HIPK2: variants seen among roughly 807,000 people sequenced by gnomAD.
The protein encoded by HIPK2 is homeodomain interacting protein kinase 2, also known as homeodomain-interacting protein kinase 2.
In HIPK2, 27 loss-of-function variants were observed where a neutral mutation model predicts 113.7. The ratio of observed to expected loss-of-function variants is 0.24; its 90% CI spans 0.17 to 0.33. The LOEUF (loss-of-function observed/expected upper bound fraction) is 0.33. Ranked by LOEUF, HIPK2 falls within the 10% of genes least tolerant of loss-of-function variation. HIPK2 has a pLI of 1.00. For missense variants in HIPK2, 1,257 were observed against 1,588.0 expected (o/e 0.79, Z 3.54); for synonymous variants, 631 against 642.2 (o/e 0.98, Z 0.26).
Position 139,564,037 on chromosome 7 carries a change from T to C in HIPK2, c.*8890A>G. The stretch of plus-strand genomic sequence containing the variant: ...GATGTCTGTTTAGAGTGGGTCTCAA[T>C]GGACCAGGCTGAGCTGCCCCTCTGT... On this transcript the variant is annotated 3_prime_UTR_variant, in exon 15 of 15. Coordinates refer to ENST00000406875, the MANE Select transcript of HIPK2 (RefSeq NM_022740.5). 2.5e-6 allele frequency: 1 copy of C among 398,206 alleles called. No individual in the cohort carries two copies. The highest frequency in any genetic ancestry group is 3.6e-5 in the East Asian group (1 of 28,082). The allele number at this position is 398,206 out of a possible 1,614,324, so 24.7% of individuals were successfully genotyped here. A position where few individuals can be genotyped will look rare whatever the true frequency, so the allele number is the denominator to read the frequency against.
At chr7:139,626,918 C>T (rs1800452909) in intron 5 of HIPK2, 133 bp from the exon 6 acceptor site, 1 of 981,456 alleles carries the variant, frequency 1.0e-6, no homozygotes, top group Non-Finnish European at 1.5e-6. Flanking sequence ...GGAACTCTGC[C>T]CCTATGGGAG....
intron 2 of HIPK2, among the ~76,000 whole-genome samples, chr7:139,665,949 C>CTTT (rs375858246): frequency 2.1e-5 from 3 of 145,600 alleles, no homozygotes; most frequent in South Asian, 2.2e-4. Flanking sequence ...AGGAGGTCTG[C>CTTT]CTTTTTTTTT....
Position 139,571,060 on chromosome 7 carries a change from G to C in HIPK2, c.*1867C>G, listed in dbSNP as rs548550492. On this transcript the variant is annotated 3_prime_UTR_variant, in exon 15 of 15. Coordinates refer to ENST00000406875, the MANE Select transcript of HIPK2 (RefSeq NM_022740.5). ...ATTCAACTGTGTGAGTTTTTCCAAA[G>C]TGCAGCGTCAGACCCCCGGCCACCC... 6.6e-6 allele frequency: 1 copy of C among 152,362 alleles called. No homozygotes were observed. Among genetic ancestry groups the C allele is most frequent in the South Asian group, 2.1e-4 (1 of 4,826 alleles). 9.4% of individuals were successfully genotyped at this position (152,362 alleles called of 1,614,324 possible).
At chr7:139,774,877 A>G (rs1279569105) in intron 1 of HIPK2, among the ~76,000 whole-genome samples, 1 of 152,252 alleles carries the variant, frequency 6.6e-6, no homozygotes, top group Non-Finnish European at 1.5e-5. Context: ...CCAAACCACC[A>G]AAAACTAACA....
intron 12 of HIPK2, among the ~76,000 whole-genome samples, chr7:139,589,930 TTTGCAGAAGGTGAA>T (rs1798960849): frequency 6.6e-6 from 1 of 152,234 alleles, no homozygotes; most frequent in Non-Finnish European, 1.5e-5. Context: ...GACACATTTA[TTTGCAGAAGGTGAA>T]TTCATTTGCT....
rs1408206929 is a variant in HIPK2 at position 139,747,770 on chromosome 7, C to T, written c.19+29835G>A. Among the ~76,000 whole-genome samples, 4 of 152,342 alleles carry T rather than the reference C, an allele frequency of 2.6e-5. No homozygotes were observed. In the East Asian group the frequency reaches 7.7e-4, roughly 29 times the overall value. On this transcript the variant is annotated intron_variant, in intron 1 of 14. Transcript: ENST00000406875. ...CCCCGGTTTTTCCCTTGGGTCCCAT[C>T]CCACCACTATTCTGGTGATCTGGAG...
chr7:139,633,113 A>G (rs1318686466), intron 2 of HIPK2, among the ~76,000 whole-genome samples: 2 of 150,118 alleles, frequency 1.3e-5, no homozygotes, highest in African/African-American at 2.5e-5. Flanking sequence ...AAAAAAAAAA[A>G]AAAAAAGAAA....
rs1440762546 is a variant in HIPK2, at chr7:139,666,605, T to A, written c.1104-34880A>T. ...AGTCACTCTTTTAGAAGGCCACAAA[T>A]GAATACAATCATTTGTTAAGAGGCA... On this transcript the variant is annotated intron_variant, in intron 2 of 14. Coordinates refer to ENST00000406875, the MANE Select transcript of HIPK2 (RefSeq NM_022740.5). 2.6e-5 allele frequency among the ~76,000 whole-genome samples: 4 copies of A among 152,148 alleles called. No individual in the cohort carries two copies. The South Asian group carries it at 6.2e-4, about 24-fold the overall frequency.
chr7:139,762,166 T>C (rs533189409), intron 1 of HIPK2, among the ~76,000 whole-genome samples: 2 of 152,310 alleles, frequency 1.3e-5, no homozygotes, highest in Non-Finnish European at 2.9e-5. Context: ...GCATGGAGGA[T>C]TCCTGGAATG....
intron 1 of HIPK2, among the ~76,000 whole-genome samples, chr7:139,771,973 G>T (rs1431945042): frequency 6.6e-6 from 1 of 152,200 alleles, no homozygotes; most frequent in Non-Finnish European, 1.5e-5. Context: ...ACTGGAATTG[G>T]TCACTCAGGG....
intron 2 of HIPK2, among the ~76,000 whole-genome samples, chr7:139,664,665 C>A (rs904714791): frequency 1.3e-5 from 2 of 152,212 alleles, no homozygotes; most frequent in Non-Finnish European, 2.9e-5. Context: ...CTCCGCTGGT[C>A]TCTTCTTTTG....
Position 139,716,177 on chromosome 7 carries a change from G to T in HIPK2, c.858C>A (p.Asp286Glu), listed in dbSNP as rs750610684. 6.2e-7 allele frequency: 1 copy of T among 1,613,938 alleles called. No homozygotes were observed. The highest frequency in any genetic ancestry group is 2.2e-5 in the East Asian group (1 of 44,902). The change falls in exon 2 of 15, where the codon GAC becomes GAA. Residue 286 changes from aspartate to glutamate, a missense_variant. Around this residue, in one of 5 missense-constraint regions of HIPK2, gnomAD observed 78 missense variants for 145.7 expected, o/e 0.54. Transcript: ENST00000406875. This position sits in a 1 kb window ranked among gnomAD's most constrained non-coding sequence, Gnocchi z 9.3. ...VFEMLEQNLY[D>E]FLKQNKFSPL... ...GGCTAAACTTGTTTTGCTTCAGAAA[G>T]TCATAGAGGTTCTGCTCCAACATCT...
chr7:139,646,776 T>C (rs1186509812), intron 2 of HIPK2, among the ~76,000 whole-genome samples: 2 of 152,028 alleles, frequency 1.3e-5, no homozygotes, highest in African/African-American at 4.8e-5. Context: ...AGCTGGGGCT[T>C]TGGGTGGAGA....
chr7:139,672,590 T>C (rs569384846), intron 2 of HIPK2, among the ~76,000 whole-genome samples: 2 of 152,240 alleles, frequency 1.3e-5, no homozygotes, highest in East Asian at 3.9e-4. Flanking sequence ...CTCAGCCTCC[T>C]GAGTAGCTAC....
intron 11 of HIPK2, among the ~76,000 whole-genome samples, chr7:139,600,206 T>C (rs957115167): frequency 6.6e-6 from 1 of 152,192 alleles, no homozygotes; most frequent in African/African-American, 2.4e-5. Context: ...CCCTACACTA[T>C]TACCACGGTC....
intron 2 of HIPK2, among the ~76,000 whole-genome samples, chr7:139,656,774 C>T (rs1056263068): frequency 1.3e-5 from 2 of 152,208 alleles, no homozygotes; most frequent in Admixed American, 1.3e-4. Context: ...CAATACTCTC[C>T]TTACTCGACA....
chr7:139,756,355 A>G (rs569553023), intron 1 of HIPK2, among the ~76,000 whole-genome samples: 3 of 152,306 alleles, frequency 2.0e-5, no homozygotes, highest in African/African-American at 7.2e-5. Flanking sequence ...CCTAAAAAGT[A>G]TATGTATTTC....
At position 139,777,706 on chromosome 7, in the gene HIPK2, C is replaced by T; in HGVS notation, c.-83G>A. 9.5e-7 allele frequency: 1 copy of T among 1,051,340 alleles called. No homozygotes were observed. The highest frequency in any genetic ancestry group is 4.4e-5 in the South Asian group (1 of 22,706). The allele number at this position is 1,051,340 out of a possible 1,614,324, so 65.1% of individuals were successfully genotyped here. The stretch of plus-strand genomic sequence containing the variant: ...CGGCCCCCCCAGCCTCAGTCGGAAT[C>T]TGCCATCTTGAGCCTGTGTCTCCGC... On this transcript the variant is annotated 5_prime_UTR_variant, in exon 1 of 15. Transcript: ENST00000406875.
At chr7:139,675,005 C>T (rs758970514) in intron 2 of HIPK2, among the ~76,000 whole-genome samples, 2 of 152,186 alleles carry the variant, frequency 1.3e-5, no homozygotes, top group Admixed American at 6.5e-5. Context: ...TGCTGGGAAA[C>T]GTGCTCACGT....
Sources: allele counts gnomAD v4.1 joint callset (sites outside exome capture counted in the v4.1 genomes callset), GRCh38; gene constraint gnomAD v4.1.1; regional missense constraint gnomAD v4.1.1; non-coding constraint Gnocchi (gnomAD v3.1); transcripts MANE v1.5; gene names NCBI Gene and HGNC (gene_info 2026-07-23, HGNC 2026-07-21).